FBXL2: variants seen among roughly 807,000 people sequenced by gnomAD.
FBXL2 encodes F-box and leucine rich repeat protein 2.
A neutral mutation model predicts 69.2 loss-of-function variants in FBXL2; 38 were observed. That is an observed-to-expected ratio of 0.55 (90% CI 0.42 to 0.72). The LOEUF (loss-of-function observed/expected upper bound fraction) is 0.72. Among genes scored for constraint, FBXL2 ranks in the 30% least tolerant of loss-of-function variants. The probability of loss-of-function intolerance (pLI) is 0.00; values close to 1 mark genes in which losing one functional copy is unlikely to be tolerated. For synonymous variants in FBXL2, 192 were observed against 201.3 expected (o/e 0.95, Z 0.39); for missense variants, 354 against 520.3 (o/e 0.68, Z 3.11).
At chr3:33,351,558 A>T (rs946601988) in intron 2 of FBXL2, among the ~76,000 whole-genome samples, 2 of 152,206 alleles carry the variant, frequency 1.3e-5, no homozygotes, top group Non-Finnish European at 2.9e-5. Context: ...TTACATATTC[A>T]TGGATAGGAA....
chr3:33,315,202 C>CT (rs1361977255), intron 2 of FBXL2, among the ~76,000 whole-genome samples: 1 of 151,360 alleles, frequency 6.6e-6, no homozygotes, highest in Admixed American at 6.6e-5. Flanking sequence ...CTTTTCTTTT[C>CT]TTTTTCTTTC....
chr3:33,384,742 T>A (rs933247481), intron 14 of FBXL2, among the ~76,000 whole-genome samples: 1 of 151,554 alleles, frequency 6.6e-6, no homozygotes, highest in Non-Finnish European at 1.5e-5. Flanking sequence ...GTAGCCCTTA[T>A]AAGAAAGCCT....
chr3:33,359,107 TTATTATC>T lies in FBXL2; in HGVS notation c.120+88_120+94del, dbSNP rs1200097579. 4.2e-6 allele frequency: 4 copies of T among 954,064 alleles called. No individual in the cohort carries two copies. The East Asian group carries it at 8.2e-5, about 20-fold the overall frequency. The allele number at this position is 954,064 out of a possible 1,614,324, so 59.1% of individuals were successfully genotyped here. On this transcript the variant is annotated intron_variant, in intron 3 of 14. Transcript: ENST00000484457. ...GTTCAAATTACTGAAAATTAAAATT[TTATTATC>T]TTTTATACTTAATATAACATAATGG...
intron 13 of FBXL2, among the ~76,000 whole-genome samples, chr3:33,379,917 TA>T (rs2042916599): frequency 6.6e-6 from 1 of 152,086 alleles, no homozygotes; most frequent in Non-Finnish European, 1.5e-5. Flanking sequence ...TCACATCAAC[TA>T]ATGCAGAAAA....
intron 2 of FBXL2, among the ~76,000 whole-genome samples, chr3:33,305,282 G>T (rs2036613788): frequency 6.6e-6 from 1 of 151,674 alleles, no homozygotes; most frequent in African/African-American, 2.4e-5. Context: ...AATCACTGTG[G>T]TACATATGTT....
chr3:33,408,242 C>T (rs1163592810), downstream of FBXL2, among the ~76,000 whole-genome samples: 2 of 152,158 alleles, frequency 1.3e-5, no homozygotes, highest in Non-Finnish European at 2.9e-5. Flanking sequence ...TTGCTGCCAT[C>T]ATCTAACTGT....
intron 1 of FBXL2, among the ~76,000 whole-genome samples, chr3:33,280,108 G>GGGTA (rs1427748528): frequency 6.6e-6 from 1 of 152,184 alleles, no homozygotes; most frequent in African/African-American, 2.4e-5. Context: ...CTACGGAACA[G>GGGTA]GGTAGGCATG....
At chr3:33,404,081 T>G (rs890577159), downstream of FBXL2, among the ~76,000 whole-genome samples, 2 of 152,022 alleles carry the variant, frequency 1.3e-5, no homozygotes, top group Non-Finnish European at 2.9e-5. Flanking sequence ...GGCAACACAG[T>G]GAGACCCTGT....
chr3:33,348,885 G>T (rs538403002), intron 2 of FBXL2, among the ~76,000 whole-genome samples: 1 of 151,950 alleles, frequency 6.6e-6, no homozygotes, highest in African/African-American at 2.4e-5. Context: ...ACTTGTAAAT[G>T]GGATTACTTT....
intron 14 of FBXL2, among the ~76,000 whole-genome samples, chr3:33,384,532 G>A (rs2043283441): frequency 3.3e-5 from 5 of 152,154 alleles, no homozygotes; most frequent in Admixed American, 3.3e-4. Flanking sequence ...CTGCACTTCA[G>A]CCTGCACCAC....
chr3:33,326,013 C>T (rs1420767749), intron 2 of FBXL2, among the ~76,000 whole-genome samples: 1 of 152,154 alleles, frequency 6.6e-6, no homozygotes, highest in African/African-American at 2.4e-5. Context: ...TCATTTTTCT[C>T]TCTTTAAATA....
chr3:33,373,248 GCT>G lies in FBXL2; in HGVS notation c.360-9_360-8del. ...GGTTGAAAATATCTTTAGTGCGTCTGCTCTTTTTCAGCACGTGTTATAGCCTT... is the reference window on the plus strand; with the variant it reads ...GGTTGAAAATATCTTTAGTGCGTCTGCTTTTTCAGCACGTGTTATAGCCTT... On this transcript the variant is annotated splice_polypyrimidine_tract_variant and intron_variant, in intron 6 of 14. Coordinates refer to ENST00000484457, the MANE Select transcript of FBXL2 (RefSeq NM_012157.5). 1 of 1,613,846 alleles carries G rather than the reference GCT, an allele frequency of 6.2e-7. No homozygotes were observed.
intron 2 of FBXL2, among the ~76,000 whole-genome samples, chr3:33,315,002 C>A (rs564905199): frequency 2.6e-5 from 4 of 152,252 alleles, no homozygotes; most frequent in African/African-American, 9.6e-5. Flanking sequence ...TTAGCTTGCA[C>A]TGCAAACAAT....
intron 2 of FBXL2, among the ~76,000 whole-genome samples, chr3:33,351,165 C>G (rs1432902829): frequency 6.6e-6 from 1 of 152,012 alleles, no homozygotes; most frequent in African/African-American, 2.4e-5. Context: ...ACTCAGGAGG[C>G]TGAGGCAGGA....
intron 2 of FBXL2, among the ~76,000 whole-genome samples, chr3:33,351,745 T>C (rs767132963): frequency 5.9e-5 from 9 of 152,192 alleles, no homozygotes; most frequent in Non-Finnish European, 1.3e-4. Context: ...GGCAGTTTCT[T>C]ACAAAGCTAA....
chr3:33,290,133 A>C (rs1228256514), intron 1 of FBXL2, among the ~76,000 whole-genome samples: 2 of 152,228 alleles, frequency 1.3e-5, no homozygotes, highest in East Asian at 1.9e-4. Context: ...GAAACCTTGC[A>C]TAGGTTATGA....
At chr3:33,382,620 C>G (rs1276100959) in intron 13 of FBXL2, 1 of 152,168 alleles carries the variant, frequency 6.6e-6, no homozygotes, top group Non-Finnish European at 1.5e-5. Context: ...AGTACTGCTT[C>G]TAGTTTGGGG....
At chr3:33,315,577 T>C (rs781335343) in intron 2 of FBXL2, among the ~76,000 whole-genome samples, 1 of 152,090 alleles carries the variant, frequency 6.6e-6, no homozygotes, top group African/African-American at 2.4e-5. Context: ...CCCTAAGGCA[T>C]TGTCTTTTTT....
chr3:33,298,497 C>A (rs1430065907), intron 2 of FBXL2, among the ~76,000 whole-genome samples: 1 of 151,844 alleles, frequency 6.6e-6, no homozygotes, highest in East Asian at 1.9e-4. Flanking sequence ...TGTGGTGAAA[C>A]CCTGTCTCTA....
Sources: gnomAD v4.1 joint callset for allele counts (sites outside exome capture counted in the v4.1 genomes callset) on GRCh38, gnomAD v4.1.1 for gene constraint, MANE v1.5 for transcripts, NCBI Gene and HGNC (gene_info 2026-07-23, HGNC 2026-07-21) for gene names.